Variants in IGF2R observed in about 807,000 individuals in gnomAD.
The protein encoded by IGF2R is insulin like growth factor 2 receptor.
Under a neutral mutation model 270.6 loss-of-function variants are expected in IGF2R, and 91 were observed. The ratio of observed to expected loss-of-function variants is 0.34; its 90% CI spans 0.28 to 0.40. The LOEUF is 0.40. Among genes scored for constraint, IGF2R ranks in the 10% least tolerant of loss-of-function variants. The probability of loss-of-function intolerance (pLI) is 1.00; values close to 1 mark genes in which losing one functional copy is unlikely to be tolerated. For missense variants in IGF2R, 2,805 were observed against 3,188.3 expected (o/e 0.88, Z 2.90); for synonymous variants, 1,316 against 1,258.9 (o/e 1.05, Z -0.96).
intron 1 of IGF2R, among the ~76,000 whole-genome samples, chr6:159,972,502 A>G (rs1043558603): frequency 1.6e-4 from 25 of 152,160 alleles, no homozygotes; most frequent in Admixed American, 6.5e-5. Flanking sequence ...CATTGTCTCT[A>G]AAAGATGGAG....
intron 1 of IGF2R, among the ~76,000 whole-genome samples, chr6:159,980,162 C>T (rs1223858968): frequency 7.5e-6 from 1 of 132,628 alleles, no homozygotes; most frequent in Non-Finnish European, 1.6e-5. Context: ...GCCTGGGCAA[C>T]ACAGTGAGAC....
At position 160,088,091 on chromosome 6, in the gene IGF2R, A is replaced by G; in HGVS notation, c.6264A>G (p.Ala2088=). The change falls in exon 42 of 48, where the codon GCA becomes GCG. Residue 2088 remains alanine (A), a synonymous_variant. Transcript: ENST00000356956. ...KGYPCGGNKT[A]SSVIELTCTK... ...ATCCGTGTGGTGGAAATAAGACCGC[A>G]TCCTCCGTGATAGAATTGACCTGTA... is the stretch of plus-strand genomic sequence containing the variant. 6.2e-7 allele frequency: 1 copy of G among 1,614,102 alleles called. No homozygotes were observed. Among genetic ancestry groups the G allele is most frequent in the Non-Finnish European group, 8.5e-7 (1 of 1,179,918 alleles).
At chr6:159,978,631 A>G (rs924083371) in intron 1 of IGF2R, among the ~76,000 whole-genome samples, 2 of 151,970 alleles carry the variant, frequency 1.3e-5, no homozygotes, top group Non-Finnish European at 2.9e-5. Flanking sequence ...GTGCTTCATA[A>G]ATTCCACCTT....
At chr6:160,000,728 GTTTTTTTTTTT>G (rs59215791) in intron 2 of IGF2R, among the ~76,000 whole-genome samples, 15 of 69,962 alleles carry the variant, frequency 2.1e-4, no homozygotes, top group Admixed American at 4.2e-4. Context: ...GTGTGAGGTT[GTTTTTTTTTTT>G]TTTTTTTTTT....
intron 19 of IGF2R, among the ~76,000 whole-genome samples, chr6:160,052,706 A>G (rs1203114961): frequency 6.6e-6 from 1 of 152,234 alleles, no homozygotes; most frequent in Admixed American, 6.5e-5. Flanking sequence ...ACAATAACCA[A>G]AACAGCATGG....
Position 160,047,197 on chromosome 6 carries a change from A to T in IGF2R, c.2090A>T (p.Lys697Met), listed in dbSNP as rs1778087257. The T allele has an allele frequency of 1.2e-6, 2 of 1,614,138 alleles. No homozygotes were observed. The highest frequency in any genetic ancestry group is 3.3e-5 in the Admixed American group (2 of 60,022). Residue 697 changes from lysine to methionine, a missense_variant, in exon 16 of 48, where the codon AAG becomes ATG. Transcript: ENST00000356956. Reference protein sequence around the residue: ...KTWNLGLSNAKLSYYDGMIQL... With the variant: ...KTWNLGLSNAMLSYYDGMIQL... Reference sequence around the variant, plus strand: ...TGGAACTTGGGTCTGAGTAATGCGAAGCTTTCATATTATGATGGGATGATC... The same window carrying T: ...TGGAACTTGGGTCTGAGTAATGCGATGCTTTCATATTATGATGGGATGATC...
rs763605966 is a variant in IGF2R at position 159,969,299 on chromosome 6, G to T, written c.53G>T (p.Arg18Leu). 40 of 1,239,250 alleles carry T rather than the reference G, an allele frequency of 3.2e-5. No homozygotes were observed. The African/African-American group carries it at 3.8e-4, about 12-fold the overall frequency. The allele number at this position is 1,239,250 out of a possible 1,614,324, so 76.8% of individuals were successfully genotyped here. Residue 18 changes from arginine to leucine, a missense_variant, in exon 1 of 48, where the codon CGC (arginine) becomes CTC (leucine). By Grantham distance (102) the Arg-to-Leu change is moderately radical. Transcript: ENST00000356956. Reference protein sequence around the residue: ...SPHLGPAPARRPQRSLLLLQL... With the variant: ...SPHLGPAPARLPQRSLLLLQL... Reference sequence around the variant, plus strand: ...CACCTGGGGCCCGCGCCCGCCCGCCGCCCGCAGCGCTCTCTGCTCCTGCTG... The same window carrying T: ...CACCTGGGGCCCGCGCCCGCCCGCCTCCCGCAGCGCTCTCTGCTCCTGCTG...
chr6:160,031,264 G>A (rs1363906819), intron 7 of IGF2R, among the ~76,000 whole-genome samples: 2 of 152,128 alleles, frequency 1.3e-5, no homozygotes, highest in African/African-American at 4.8e-5. Flanking sequence ...TTAGGAGCTG[G>A]TATTTAGTAA....
At chr6:160,045,672 G>T (rs1287063075) in intron 13 of IGF2R, 73 bp from the exon 14 acceptor site, 10 of 1,571,904 alleles carry the variant, frequency 6.4e-6, no homozygotes. Flanking sequence ...TCTACTTCTA[G>T]CAGAGAAGAA....
intron 33 of IGF2R, 53 bp downstream of exon 33, chr6:160,072,937 G>A: frequency 6.4e-7 from 1 of 1,559,912 alleles, no homozygotes; most frequent in South Asian, 1.2e-5. Context: ...CTCTGGGGTT[G>A]TCCTCAGTCT....
rs78917527 is a variant in IGF2R at position 160,067,464 on chromosome 6, G to A, written c.4116-785G>A. Among the ~76,000 whole-genome samples the A allele has an allele frequency of 4.4e-3, 666 of 151,856 alleles. 4 individuals carry two copies. The highest frequency in any genetic ancestry group is 0.015 in the African/African-American group (634 of 41,328). On this transcript the variant is annotated intron_variant, in intron 29 of 47. Transcript: ENST00000356956. ...TTTTTAAAAGTCTTATCTTGTTCAC[G>A]GTCATTTTCTTCCACAGGTAATTTT...
In IGF2R at chr6:160,071,773, C is replaced by T. The variant is rs573337167; in HGVS notation, c.4444-137C>T. The T allele has an allele frequency of 9.5e-6, 11 of 1,157,422 alleles. No individual in the cohort carries two copies. The South Asian group carries it at 9.6e-5, about 10-fold the overall frequency. The allele number at this position is 1,157,422 out of a possible 1,614,324, so 71.7% of individuals were successfully genotyped here. On this transcript the variant is annotated intron_variant, in intron 31 of 47. Coordinates refer to ENST00000356956, the MANE Select transcript of IGF2R (RefSeq NM_000876.4). The stretch of plus-strand genomic sequence containing the variant: ...CCTTTGCTTTTCCTAATCTGCGCCT[C>T]ATCCCACAGGCACATGGAGACAGAA...
intron 12 of IGF2R, among the ~76,000 whole-genome samples, chr6:160,043,585 G>A (rs1777995613): frequency 1.3e-5 from 2 of 152,240 alleles, no homozygotes; most frequent in Non-Finnish European, 2.9e-5. Context: ...AACATTGCCA[G>A]TGTTTGTGTA....
intron 44 of IGF2R, among the ~76,000 whole-genome samples, chr6:160,091,497 G>A (rs760024226): frequency 3.3e-5 from 5 of 152,218 alleles, no homozygotes; most frequent in South Asian, 2.1e-4. Flanking sequence ...TGTAGACAGC[G>A]CCCTGGTGCA....
rs8191901 is a variant in IGF2R at position 160,079,205 on chromosome 6, G to A, written c.5479-375G>A. Reference sequence around the variant, plus strand: ...GGTCCATGCTTCAGCGTGCAGCGTCGGCTCTGCTCATTCACTCACTTGGCC... The same window carrying A: ...GGTCCATGCTTCAGCGTGCAGCGTCAGCTCTGCTCATTCACTCACTTGGCC... On this transcript the variant is annotated intron_variant, in intron 37 of 47. Transcript: ENST00000356956. Among the ~76,000 whole-genome samples the A allele has an allele frequency of 6.3e-3, 958 of 152,278 alleles. 10 individuals are homozygous for A. Among genetic ancestry groups the A allele is most frequent in the African/African-American group, 0.022 (908 of 41,548 alleles).
chr6:160,056,621 C>A, intron 20 of IGF2R, 96 bp downstream of exon 20: 1 of 810,026 alleles, frequency 1.2e-6, no homozygotes. Context: ...CCTGCCCCTT[C>A]TTTCTGAATC....
chr6:160,061,356 G>A, intron 23 of IGF2R, 147 bp from the exon 24 acceptor site: 2 of 755,724 alleles, frequency 2.6e-6, no homozygotes, highest in East Asian at 2.5e-5. Context: ...TGTAGGCAAA[G>A]CCTCTCAGCC....
At position 160,059,033 on chromosome 6, in the gene IGF2R, A is replaced by G. The variant is rs1400547009; in HGVS notation, c.3026A>G (p.Lys1009Arg). The change falls in exon 22 of 48, where the codon AAA (lysine) becomes AGA (arginine). Residue 1009 changes from lysine (K) to arginine (R), a missense_variant. Around this residue, in one of 2 missense-constraint regions of IGF2R, gnomAD observed 1,851 missense variants for 2,207.2 expected, o/e 0.84. Transcript: ENST00000356956. ...WKPARPVGIE[K>R]SLQLSTEGFI... ...CCAGCAAGGCCAGTCGGAATTGAGAAAAGCCTCCAGCTGTCCACAGAGGGC... is the reference window on the plus strand; with the variant it reads ...CCAGCAAGGCCAGTCGGAATTGAGAGAAGCCTCCAGCTGTCCACAGAGGGC... 7 of 1,614,232 alleles carry G rather than the reference A, an allele frequency of 4.3e-6. No homozygotes were observed. Among genetic ancestry groups the G allele is most frequent in the Non-Finnish European group, 5.9e-6 (7 of 1,180,032 alleles).
chr6:160,047,905 C>T lies in IGF2R; in HGVS notation c.2343C>T (p.Ser781=). ...DPSTLEQYDL[S]SLAKSEGGLG... is the part of the protein sequence containing the mutation. ...CCACGCTGGAGCAGTACGACCTCTCCAGGTGAGGCAGAGTCAGCTGCTCTG... is the reference window on the plus strand; with the variant it reads ...CCACGCTGGAGCAGTACGACCTCTCTAGGTGAGGCAGAGTCAGCTGCTCTG... Residue 781 remains serine, a splice_region_variant and synonymous_variant, in exon 17 of 48, where the codon TCC becomes TCT. Transcript: ENST00000356956. The T allele has an allele frequency of 6.3e-7, 1 of 1,594,684 alleles. No individual in the cohort carries two copies.
Sources: gnomAD v4.1 joint callset for allele counts (sites outside exome capture counted in the v4.1 genomes callset) on GRCh38, gnomAD v4.1.1 for gene constraint, gnomAD v4.1.1 regional missense constraint, MANE v1.5 for transcripts, NCBI Gene and HGNC (gene_info 2026-07-23, HGNC 2026-07-21) for gene names.